Variants in RALGAPB observed in about 807,000 individuals in gnomAD.
RALGAPB encodes the protein ral GTPase-activating protein subunit beta.
A neutral mutation model predicts 161.1 loss-of-function variants in RALGAPB; 25 were observed. The ratio of observed to expected loss-of-function variants is 0.16; its 90% CI spans 0.11 to 0.22. RALGAPB has a LOEUF of 0.22. Ranked by LOEUF, RALGAPB falls within the 10% of genes least tolerant of loss-of-function variation. The probability of loss-of-function intolerance (pLI) is 1.00; values close to 1 mark genes in which losing one functional copy is unlikely to be tolerated. For missense variants in RALGAPB, 1,391 were observed against 1,815.2 expected, an observed-to-expected ratio of 0.77 and a Z score of 4.25; for synonymous variants, 629 against 626.1, an observed-to-expected ratio of 1.00 and a Z score of -0.07.
chr20:38,515,928 G>A (rs1487746855), intron 6 of RALGAPB, among the ~76,000 whole-genome samples: 1 of 152,112 alleles, frequency 6.6e-6, no homozygotes, highest in Non-Finnish European at 1.5e-5. Context: ...ATTAGAAAAA[G>A]CATCTATGTA....
chr20:38,576,939 GTA>G lies in RALGAPB; in HGVS notation c.*1974_*1975del, dbSNP rs762117127. ...ATAGTTAATTTCAGAAAAATGTGCTGTATGTGTGTGTGTATGAGGGTTGGTCT... is the reference window on the plus strand; with the variant it reads ...ATAGTTAATTTCAGAAAAATGTGCTGTGTGTGTGTGTATGAGGGTTGGTCT... On this transcript the variant is annotated 3_prime_UTR_variant, in exon 30 of 30. Coordinates refer to ENST00000262879, the MANE Select transcript of RALGAPB (RefSeq NM_020336.4). The G allele has an allele frequency of 6.6e-6, 1 of 152,628 alleles. No individual in the cohort carries two copies. Among genetic ancestry groups the G allele is most frequent in the Non-Finnish European group, 1.5e-5 (1 of 68,036 alleles). The allele number at this position is 152,628 out of a possible 1,614,324, so 9.5% of individuals were successfully genotyped here. A position where few individuals can be genotyped will look rare whatever the true frequency, so the allele number is the denominator to read the frequency against.
chr20:38,530,770 T>C (rs2086628792), intron 13 of RALGAPB, among the ~76,000 whole-genome samples: 1 of 151,884 alleles, frequency 6.6e-6, no homozygotes, highest in South Asian at 2.1e-4. Context: ...CTAATTTTTG[T>C]ATTTTTAGTA....
In RALGAPB at chr20:38,499,452, A is replaced by G. The variant is rs777694694; in HGVS notation, c.559A>G (p.Ile187Val). The change falls in exon 5 of 30, where the codon ATT becomes GTT. Residue 187 changes from isoleucine to valine, a missense_variant. Around this residue, in one of 3 missense-constraint regions of RALGAPB, gnomAD observed 946 missense variants for 1,257.2 expected, o/e 0.75. Transcript: ENST00000262879. Reference protein sequence around the residue: ...LLAPPTVQGGIAENLAEKLIG... With the variant: ...LLAPPTVQGGVAENLAEKLIG... The stretch of plus-strand genomic sequence containing the variant: ...GTTTTCTTTTTGTTGGTAAGGTGGC[A>G]TTGCTGAGAATCTAGCAGAGAAGTT... 1.9e-6 allele frequency: 3 copies of G among 1,594,790 alleles called. No homozygotes were observed. In the South Asian group the frequency reaches 3.4e-5, roughly 18 times the overall value.
chr20:38,505,210 ATG>A (rs1889771044), intron 5 of RALGAPB, among the ~76,000 whole-genome samples: 1 of 152,256 alleles, frequency 6.6e-6, no homozygotes, highest in South Asian at 2.1e-4. Flanking sequence ...GGTAAAGAAA[ATG>A]TGGCACATAT....
intron 2 of RALGAPB, among the ~76,000 whole-genome samples, chr20:38,491,599 T>C (rs2122883939): frequency 6.6e-6 from 1 of 152,342 alleles, no homozygotes; most frequent in African/African-American, 2.4e-5. Context: ...AGAGAATAGC[T>C]TAAAATTTCT....
chr20:38,574,206 G>A lies in RALGAPB; in HGVS notation c.4199G>A (p.Gly1400Glu). 6.2e-7 allele frequency: 1 copy of A among 1,613,332 alleles called. No individual in the cohort carries two copies. Among genetic ancestry groups the A allele is most frequent in the Non-Finnish European group, 8.5e-7 (1 of 1,179,548 alleles). The change falls in exon 29 of 30, where the codon GGA becomes GAA. Residue 1400 changes from glycine to glutamate, a missense_variant. Gly to Glu is a moderately conservative substitution (Grantham distance 98). Coordinates refer to ENST00000262879, the MANE Select transcript of RALGAPB (RefSeq NM_020336.4). The stretch of plus-strand genomic sequence containing the variant: ...ATCTTCATCCACCCTTTAAACACTG[G>A]ATTATTCCGGATAAAAATTCAAGGA... The part of the protein sequence containing the change: ...PVIFIHPLNT[G>E]LFRIKIQGAT...
intron 15 of RALGAPB, among the ~76,000 whole-genome samples, chr20:38,533,641 G>A (rs1568949784): frequency 6.6e-6 from 1 of 152,134 alleles, no homozygotes; most frequent in Non-Finnish European, 1.5e-5. Flanking sequence ...CATGAGGCAT[G>A]TTTCTATGGT....
intron 18 of RALGAPB, among the ~76,000 whole-genome samples, chr20:38,542,337 A>G (rs574930642): frequency 6.6e-6 from 1 of 152,268 alleles, no homozygotes; most frequent in South Asian, 2.1e-4. Context: ...CTTGCTTGGG[A>G]CATGCACAGT....
intron 2 of RALGAPB, among the ~76,000 whole-genome samples, chr20:38,492,533 T>C (rs1456443954): frequency 6.6e-6 from 1 of 152,220 alleles, no homozygotes; most frequent in Non-Finnish European, 1.5e-5. Flanking sequence ...TGACTGACTT[T>C]ATATGATTTT....
At chr20:38,521,076 G>A (rs1265252442) in intron 9 of RALGAPB, among the ~76,000 whole-genome samples, 2 of 152,122 alleles carry the variant, frequency 1.3e-5, no homozygotes, top group South Asian at 4.1e-4. Context: ...ATTTAATTAG[G>A]ATGTCCATCT....
At chr20:38,526,409 C>T (rs954528856) in intron 13 of RALGAPB, among the ~76,000 whole-genome samples, 1 of 151,964 alleles carries the variant, frequency 6.6e-6, no homozygotes, top group East Asian at 1.9e-4. Context: ...CTGCCTCTTC[C>T]TCTTCTTCTT....
At chr20:38,517,295 T>C (rs1175754757) in intron 7 of RALGAPB, among the ~76,000 whole-genome samples, 1 of 152,112 alleles carries the variant, frequency 6.6e-6, no homozygotes, top group Non-Finnish European at 1.5e-5. Flanking sequence ...AGTTTGAAAA[T>C]TGAGTCATTT....
chr20:38,487,382 T>A (rs2085148166), intron 1 of RALGAPB, among the ~76,000 whole-genome samples: 1 of 152,112 alleles, frequency 6.6e-6, no homozygotes, highest in East Asian at 1.9e-4. Context: ...GAAGAATAAA[T>A]GTCTAGAGAA....
intron 19 of RALGAPB, chr20:38,547,934 T>G (rs1248177428): frequency 6.6e-6 from 1 of 152,168 alleles, no homozygotes; most frequent in Non-Finnish European, 1.5e-5. Context: ...TCCAGCTTTT[T>G]AAAGACTCTC....
chr20:38,501,527 C>T (rs192662389), intron 5 of RALGAPB, among the ~76,000 whole-genome samples: 10 of 152,230 alleles, frequency 6.6e-5, no homozygotes, highest in Non-Finnish European at 1.0e-4. Flanking sequence ...CTTAGCCTCC[C>T]GAATAACTGG....
intron 9 of RALGAPB, among the ~76,000 whole-genome samples, chr20:38,519,174 T>G (rs1438660104): frequency 6.6e-6 from 1 of 152,184 alleles, no homozygotes; most frequent in African/African-American, 2.4e-5. Context: ...ATTCAGACAC[T>G]TTATATTCTT....
intron 4 of RALGAPB, among the ~76,000 whole-genome samples, chr20:38,497,801 C>A (rs1024047841): frequency 4.7e-4 from 72 of 152,134 alleles, no homozygotes; most frequent in African/African-American, 1.6e-3. Context: ...ATAGGCCAGG[C>A]GTAGTGGCTA....
intron 1 of RALGAPB, among the ~76,000 whole-genome samples, chr20:38,486,626 G>T (rs976084796): frequency 5.9e-5 from 9 of 152,044 alleles, no homozygotes; most frequent in Non-Finnish European, 1.2e-4. Flanking sequence ...GAGCTAGTTT[G>T]TCCTTTTTTT....
intron 6 of RALGAPB, among the ~76,000 whole-genome samples, chr20:38,512,334 A>AAT (rs1394267383): frequency 6.6e-6 from 1 of 152,248 alleles, no homozygotes; most frequent in East Asian, 1.9e-4. Flanking sequence ...GTGACTAATT[A>AAT]AAAGTACTTC....
Sources: gnomAD v4.1 joint callset for allele counts (sites outside exome capture counted in the v4.1 genomes callset) on GRCh38, gnomAD v4.1.1 for gene constraint, gnomAD v4.1.1 regional missense constraint, MANE v1.5 for transcripts, NCBI Gene and HGNC (gene_info 2026-07-23, HGNC 2026-07-21) for gene names.